Variants in DDX21 observed in about 807,000 individuals in gnomAD.
The protein encoded by DDX21 is DExD-box helicase 21.
Under a neutral mutation model 90.0 loss-of-function variants are expected in DDX21, and 18 were observed. That is an observed-to-expected ratio of 0.20 (90% CI 0.14 to 0.30). The LOEUF is 0.30. Ranked by LOEUF, DDX21 falls within the 10% of genes least tolerant of loss-of-function variation. The pLI is 1.00. For synonymous variants in DDX21, 294 were observed against 318.0 expected, an observed-to-expected ratio of 0.92 and a Z score of 0.80; for missense variants, 673 against 944.5, an observed-to-expected ratio of 0.71 and a Z score of 3.77.
chr10:68,968,554 A>C (rs1268427874), intron 6 of DDX21, among the ~76,000 whole-genome samples: 2 of 152,246 alleles, frequency 1.3e-5, no homozygotes, highest in Non-Finnish European at 2.9e-5. Flanking sequence ...TTCTCTCCAG[A>C]AGGGTTCTAT....
At chr10:68,980,253 T>A (rs939499501) in intron 13 of DDX21, among the ~76,000 whole-genome samples, 1 of 151,992 alleles carries the variant, frequency 6.6e-6, no homozygotes, top group East Asian at 1.9e-4. Flanking sequence ...AAAAAAAATT[T>A]TATATATATA....
At chr10:68,969,600 T>A (rs1842993521) in intron 7 of DDX21, among the ~76,000 whole-genome samples, 1 of 152,188 alleles carries the variant, frequency 6.6e-6, no homozygotes, top group South Asian at 2.1e-4. Context: ...TTTTAAAATT[T>A]CATCATCTAT....
intron 9 of DDX21, 26 bp downstream of exon 9, chr10:68,972,078 T>C (rs377436158): frequency 6.3e-7 from 1 of 1,584,310 alleles, no homozygotes; most frequent in South Asian, 1.1e-5. Context: ...TTAGATTTTA[T>C]TTTGTTTTGT....
At chr10:68,960,381 A>G in intron 2 of DDX21, 132 bp downstream of exon 2, 1 of 855,222 alleles carries the variant, frequency 1.2e-6, no homozygotes, top group East Asian at 3.0e-5. Flanking sequence ...GTTGGGGGAT[A>G]CCTTAGGCTG....
intron 4 of DDX21, among the ~76,000 whole-genome samples, chr10:68,964,742 C>T (rs963451904): frequency 6.8e-6 from 1 of 147,218 alleles, no homozygotes; most frequent in African/African-American, 2.5e-5. Flanking sequence ...TAACCTCTGC[C>T]TCGCAGGTTT....
chr10:68,982,516 C>T (rs751901487), intron 14 of DDX21, 27 bp from the exon 15 acceptor site: 1 of 1,581,138 alleles, frequency 6.3e-7, no homozygotes, highest in Non-Finnish European at 8.6e-7. Flanking sequence ...AATTAAAGCA[C>T]ACAAAAACAA....
At position 68,969,079 on chromosome 10, in the gene DDX21, C is replaced by T. The variant is rs775186139; in HGVS notation, c.1194C>T (p.Asp398=). Residue 398 remains aspartate (D), a synonymous_variant, in exon 7 of 15, where the codon GAC becomes GAT. Coordinates refer to ENST00000354185, the MANE Select transcript of DDX21 (RefSeq NM_004728.4). Reference sequence around the variant, plus strand: ...TGAAATCTACATATGAACAGGTGGACCTGATTGGTAAAAAGACTCAGAAAA... The same window carrying T: ...TGAAATCTACATATGAACAGGTGGATCTGATTGGTAAAAAGACTCAGAAAA... ...KYMKSTYEQV[D]LIGKKTQKTA... The T allele has an allele frequency of 6.2e-7, 1 of 1,613,228 alleles. No homozygotes were observed. Among genetic ancestry groups the T allele is most frequent in the Non-Finnish European group, 8.5e-7 (1 of 1,179,818 alleles).
chr10:68,967,197 A>G lies in DDX21; in HGVS notation c.1084A>G (p.Lys362Glu), dbSNP rs1842951180. ...GGAAGAGATTTTAAGTGTGGCATAC[A>G]AGAAAGGTAATCCACAAATTCAAGA... is the stretch of plus-strand genomic sequence containing the variant. ...QVEEILSVAY[K>E]KDSEDNPQTL... Residue 362 changes from lysine to glutamate, a missense_variant, in exon 6 of 15, where the codon AAG (lysine) becomes GAG (glutamate). Physicochemically the swap from Lys to Glu is moderately conservative, Grantham distance 56. This residue lies in a region of DDX21 where 218 missense variants were observed against 347.3 expected (regional missense o/e 0.63). Transcript: ENST00000354185. 1.2e-6 allele frequency: 2 copies of G among 1,608,414 alleles called. No homozygotes were observed. Among genetic ancestry groups the G allele is most frequent in the Non-Finnish European group, 1.7e-6 (2 of 1,176,534 alleles).
chr10:68,971,317 A>G (rs1843025536), intron 8 of DDX21, among the ~76,000 whole-genome samples: 1 of 152,046 alleles, frequency 6.6e-6, no homozygotes, highest in African/African-American at 2.4e-5. Flanking sequence ...GGTTTGCTGC[A>G]CAGATCATCC....
intron 2 of DDX21, 69 bp downstream of exon 2, chr10:68,960,318 C>G (rs536542182): frequency 6.9e-7 from 1 of 1,443,606 alleles, no homozygotes; most frequent in African/African-American, 1.4e-5. Flanking sequence ...TAGGTAACTG[C>G]TATATGTACT....
At chr10:68,978,778 A>G in intron 12 of DDX21, 64 bp from the exon 13 acceptor site, 2 of 1,545,624 alleles carry the variant, frequency 1.3e-6, no homozygotes, top group Non-Finnish European at 1.8e-6. Flanking sequence ...TCACAAAAGC[A>G]GGTATTTATC....
In DDX21 at chr10:68,973,541, A is replaced by G. The variant is rs1366395082; in HGVS notation, c.1549-4A>G. ...AGTGTTACTCATGTATTTTACTTCAATAGGATGTAGAGTCCTACATTCATC... is the reference window on the plus strand; with the variant it reads ...AGTGTTACTCATGTATTTTACTTCAGTAGGATGTAGAGTCCTACATTCATC... On this transcript the variant is annotated splice_polypyrimidine_tract_variant and splice_region_variant and intron_variant, in intron 9 of 14. Transcript: ENST00000354185. 8.1e-6 allele frequency: 13 copies of G among 1,614,018 alleles called. No individual in the cohort carries two copies. The highest frequency in any genetic ancestry group is 4.5e-5 in the East Asian group (2 of 44,868).
rs778814393 is a variant in DDX21, at chr10:68,962,074, C to G, written c.532-8C>G. On this transcript the variant is annotated splice_polypyrimidine_tract_variant and splice_region_variant and intron_variant, in intron 2 of 14. Coordinates refer to ENST00000354185, the MANE Select transcript of DDX21 (RefSeq NM_004728.4). ...ATTGATTTCTTTCTATGGCCCTTTACTTGATAGGAAATACCTGTGGAACAA... is the reference window on the plus strand; with the variant it reads ...ATTGATTTCTTTCTATGGCCCTTTAGTTGATAGGAAATACCTGTGGAACAA... 1 of 1,605,802 alleles carries G rather than the reference C, an allele frequency of 6.2e-7. No homozygotes were observed. The highest frequency in any genetic ancestry group is 1.7e-5 in the Admixed American group (1 of 59,162).
chr10:68,959,906 A>C lies in DDX21; in HGVS notation c.188A>C (p.Glu63Ala), dbSNP rs1412313606. 1 of 1,607,014 alleles carries C rather than the reference A, an allele frequency of 6.2e-7. No homozygotes were observed. The highest frequency in any genetic ancestry group is 2.2e-5 in the East Asian group (1 of 44,834). ...PKAKQVKKKA[E>A]PSEVDMNSPK... ...GCTAAACAAGTTAAAAAGAAAGCAG[A>C]GCCTTCTGAAGTTGACATGAATTCT... Residue 63 changes from glutamate (E) to alanine (A), a missense_variant, in exon 2 of 15, where the codon GAG becomes GCG. By Grantham distance (107) the Glu-to-Ala change is moderately radical. Around this residue, in one of 4 missense-constraint regions of DDX21, gnomAD observed 204 missense variants for 221.6 expected, o/e 0.92. Coordinates refer to ENST00000354185, the MANE Select transcript of DDX21 (RefSeq NM_004728.4).
chr10:68,976,049 CAAA>C lies in DDX21; in HGVS notation c.1742+1320_1742+1322del, dbSNP rs58243000. Among the ~76,000 whole-genome samples, 348 of 136,464 alleles carry C rather than the reference CAAA, an allele frequency of 2.6e-3. 3 individuals are homozygous for C. The highest frequency in any genetic ancestry group is 7.3e-3 in the African/African-American group (265 of 36,302). The allele number at this position is 136,464 out of a possible 152,430, so 89.5% of individuals were successfully genotyped here. On this transcript the variant is annotated intron_variant, in intron 11 of 14. Transcript: ENST00000354185. ...GGACAACAAGAGCAAAACTCTGTCT[CAAA>C]AAAAAAAAAAAAATACAAAAATACA...
rs574932000 is a variant in DDX21 at position 68,978,915 on chromosome 10, A to T, written c.1976A>T (p.Glu659Val). Residue 659 changes from glutamate to valine, a missense_variant, in exon 13 of 15, where the codon GAG becomes GTG. Around this residue, in one of 4 missense-constraint regions of DDX21, gnomAD observed 225 missense variants for 298.8 expected, o/e 0.75. Coordinates refer to ENST00000354185, the MANE Select transcript of DDX21 (RefSeq NM_004728.4). ...AGTTATGCTTGGAAAGAACTTAAAG[A>T]GCAGCTGGGCGAGGAGATTGATTCC... ...NISYAWKELK[E>V]QLGEEIDSKV... 50 of 1,614,168 alleles carry T rather than the reference A, an allele frequency of 3.1e-5. 1 individual carries two copies. The South Asian group carries it at 4.5e-4, about 15-fold the overall frequency.
rs111852256 is a variant in DDX21, at chr10:68,974,630, A to G, written c.1669-40A>G. On this transcript the variant is annotated intron_variant, in intron 10 of 14. Coordinates refer to ENST00000354185, the MANE Select transcript of DDX21 (RefSeq NM_004728.4). Reference sequence around the variant, plus strand: ...CTGCTTATCTTATTGGAAACAATTGATGGCCACTGTACATTAAACTGTGGT... The same window carrying G: ...CTGCTTATCTTATTGGAAACAATTGGTGGCCACTGTACATTAAACTGTGGT... 3.6e-4 allele frequency: 559 copies of G among 1,540,868 alleles called. 1 individual carries two copies. The African/African-American group carries it at 6.6e-3, about 18-fold the overall frequency.
chr10:68,957,967 AGTCATCT>A (rs2132077160), intron 1 of DDX21, among the ~76,000 whole-genome samples: 1 of 152,330 alleles, frequency 6.6e-6, no homozygotes, highest in Admixed American at 6.5e-5. Flanking sequence ...TAGGAGCCAC[AGTCATCT>A]GTCTTACTTG....
chr10:68,968,861 C>A, intron 6 of DDX21, 115 bp from the exon 7 acceptor site: 1 of 1,229,700 alleles, frequency 8.1e-7, no homozygotes, highest in Admixed American at 2.5e-5. Context: ...CCCGACTTGG[C>A]CTCAGGTGGT....
Sources: allele counts gnomAD v4.1 joint callset (sites outside exome capture counted in the v4.1 genomes callset), GRCh38; gene constraint gnomAD v4.1.1; regional missense constraint gnomAD v4.1.1; transcripts MANE v1.5; gene names NCBI Gene and HGNC (gene_info 2026-07-23, HGNC 2026-07-21).